The following KCTD8 variants were observed in gnomAD, a reference collection of about 807,000 sequenced individuals.
KCTD8 encodes the protein potassium channel tetramerization domain containing 8.
A neutral mutation model predicts 31.5 loss-of-function variants in KCTD8; 27 were observed. That is an observed-to-expected ratio of 0.86 (90% CI 0.63 to 1.18). The LOEUF (loss-of-function observed/expected upper bound fraction) is 1.18, where lower values mean the gene tolerates loss of function less well. KCTD8 is among the 50% of genes most tolerant of loss of function. KCTD8 has a pLI of 0.00. For missense variants in KCTD8, 658 were observed against 647.7 expected (o/e 1.02, Z -0.17); for synonymous variants, 290 against 280.0 (o/e 1.04, Z -0.36).
At chr4:44,249,398 T>C (rs1301494137) in intron 1 of KCTD8, among the ~76,000 whole-genome samples, 1 of 151,836 alleles carries the variant, frequency 6.6e-6, no homozygotes, top group Non-Finnish European at 1.5e-5. Context: ...ATAAAATATT[T>C]TAATTTTTAG....
At chr4:44,406,486 G>A (rs993396914) in intron 1 of KCTD8, among the ~76,000 whole-genome samples, 1 of 151,926 alleles carries the variant, frequency 6.6e-6, no homozygotes, top group African/African-American at 2.4e-5. Context: ...TTTTATCAGG[G>A]GTTTCCACTT....
chr4:44,436,489 T>C (rs911660373), intron 1 of KCTD8, among the ~76,000 whole-genome samples: 2 of 152,152 alleles, frequency 1.3e-5, no homozygotes, highest in East Asian at 3.9e-4. Flanking sequence ...AAAAAGGCTA[T>C]ATTTTTGAGA....
At chr4:44,295,893 T>C (rs1717415818) in intron 1 of KCTD8, among the ~76,000 whole-genome samples, 1 of 152,206 alleles carries the variant, frequency 6.6e-6, no homozygotes, top group Non-Finnish European at 1.5e-5. Context: ...ATTAATTCAC[T>C]TTCAGTAGCT....
chr4:44,424,130 A>G (rs1026013747), intron 1 of KCTD8, among the ~76,000 whole-genome samples: 2 of 152,092 alleles, frequency 1.3e-5, no homozygotes, highest in Admixed American at 6.6e-5. Context: ...ATTATCATGA[A>G]TATCATTGTG....
chr4:44,427,985 TG>T (rs1218838000), intron 1 of KCTD8, among the ~76,000 whole-genome samples: 1 of 151,760 alleles, frequency 6.6e-6, no homozygotes, highest in Non-Finnish European at 1.5e-5. Context: ...TGACATCTTA[TG>T]ATAGCAGTGG....
chr4:44,443,053 C>A (rs935936271), intron 1 of KCTD8, among the ~76,000 whole-genome samples: 1 of 152,162 alleles, frequency 6.6e-6, no homozygotes, highest in Admixed American at 6.5e-5. Context: ...TTTTTGCACT[C>A]CAAGATTTTT....
intron 1 of KCTD8, among the ~76,000 whole-genome samples, chr4:44,303,995 T>C (rs1341446899): frequency 2.6e-5 from 4 of 152,140 alleles, no homozygotes; most frequent in Admixed American, 2.6e-4. Context: ...TGTATGAAGT[T>C]ACACTGATGA....
At chr4:44,218,530 G>C (rs935078626) in intron 1 of KCTD8, among the ~76,000 whole-genome samples, 1 of 150,344 alleles carries the variant, frequency 6.7e-6, no homozygotes, top group Non-Finnish European at 1.5e-5. Context: ...ATTTCACATT[G>C]CATGCCTGTA....
At chr4:44,356,279 C>T (rs1278433600) in intron 1 of KCTD8, among the ~76,000 whole-genome samples, 1 of 152,190 alleles carries the variant, frequency 6.6e-6, no homozygotes. Context: ...AAGCAGTTTG[C>T]TGTGAATTAA....
chr4:44,355,069 A>G (rs1040066070), intron 1 of KCTD8, among the ~76,000 whole-genome samples: 1 of 152,206 alleles, frequency 6.6e-6, no homozygotes, highest in African/African-American at 2.4e-5. Context: ...TAAATATTCA[A>G]GTAGAAAACC....
chr4:44,329,719 T>C (rs1560427700), intron 1 of KCTD8, among the ~76,000 whole-genome samples: 1 of 151,960 alleles, frequency 6.6e-6, no homozygotes, highest in Non-Finnish European at 1.5e-5. Flanking sequence ...TATTGAATGA[T>C]AAAACAAAGG....
intron 1 of KCTD8, among the ~76,000 whole-genome samples, chr4:44,381,350 C>T (rs10019465): frequency 2.7e-3 from 418 of 152,020 alleles, no homozygotes; most frequent in African/African-American, 9.2e-3. Flanking sequence ...TATCTACATA[C>T]AAACAATAAA....
chr4:44,271,373 T>C lies in KCTD8; in HGVS notation c.962-96123A>G, dbSNP rs1716593325. On this transcript the variant is annotated intron_variant, in intron 1 of 1. Transcript: ENST00000360029. ...TAATTTGCTAATAATTACTTCATTATGAGAGACAGAATAGCATAATGGCTA... is the reference window on the plus strand; with the variant it reads ...TAATTTGCTAATAATTACTTCATTACGAGAGACAGAATAGCATAATGGCTA... 2.0e-5 allele frequency among the ~76,000 whole-genome samples: 3 copies of C among 152,146 alleles called. No homozygotes were observed. The South Asian group carries it at 6.2e-4, about 31-fold the overall frequency.
intron 1 of KCTD8, among the ~76,000 whole-genome samples, chr4:44,267,111 A>C (rs1716402702): frequency 6.6e-6 from 1 of 152,102 alleles, no homozygotes; most frequent in South Asian, 2.1e-4. Flanking sequence ...GCACCACACC[A>C]CACCTATTCC....
chr4:44,251,820 T>C (rs1467968256), intron 1 of KCTD8, among the ~76,000 whole-genome samples: 2 of 151,594 alleles, frequency 1.3e-5, no homozygotes, highest in Non-Finnish European at 3.0e-5. Flanking sequence ...TGATTAGGCA[T>C]AGAACTTTTG....
intron 1 of KCTD8, among the ~76,000 whole-genome samples, chr4:44,335,422 T>C (rs1033114966): frequency 2.6e-5 from 4 of 152,186 alleles, no homozygotes; most frequent in Non-Finnish European, 2.9e-5. Flanking sequence ...TTTACCCATA[T>C]AACAAACCTC....
Position 44,309,922 on chromosome 4 carries a change from G to A in KCTD8, c.962-134672C>T, listed in dbSNP as rs528297081. On this transcript the variant is annotated intron_variant, in intron 1 of 1. Coordinates refer to ENST00000360029, the MANE Select transcript of KCTD8 (RefSeq NM_198353.3). ...ACTAAAATTATTTATGCTCACAGTT[G>A]CCTTACGCAGTATCAAATTTTTGAA... Among the ~76,000 whole-genome samples the A allele has an allele frequency of 3.3e-5, 5 of 152,128 alleles. No homozygotes were observed. In the East Asian group the frequency reaches 5.8e-4, roughly 18 times the overall value.
At chr4:44,362,088 T>A (rs1390073493) in intron 1 of KCTD8, among the ~76,000 whole-genome samples, 1 of 151,996 alleles carries the variant, frequency 6.6e-6, no homozygotes, top group Non-Finnish European at 1.5e-5. Context: ...GATAAAAAAT[T>A]CCAGGCAGCA....
chr4:44,407,891 A>G (rs966309257), intron 1 of KCTD8, among the ~76,000 whole-genome samples: 3 of 152,082 alleles, frequency 2.0e-5, no homozygotes, highest in Non-Finnish European at 4.4e-5. Context: ...AACAACCTAC[A>G]TCTCTTATTT....
Sources: allele counts gnomAD v4.1 joint callset (sites outside exome capture counted in the v4.1 genomes callset), GRCh38; gene constraint gnomAD v4.1.1; transcripts MANE v1.5; gene names NCBI Gene and HGNC (gene_info 2026-07-23, HGNC 2026-07-21).